The following FHOD3 variants were observed in gnomAD, a reference collection of about 807,000 sequenced individuals.
FHOD3 encodes the protein formin homology 2 domain containing 3, also known as FH1/FH2 domain-containing protein 3.
FHOD3 carries 90 observed loss-of-function variants against 173.0 expected under a neutral mutation model. That is an observed-to-expected ratio of 0.52 (90% confidence interval 0.44 to 0.62). The LOEUF (loss-of-function observed/expected upper bound fraction) is 0.62. FHOD3 is among the 20% of genes least tolerant of loss of function. The probability of loss-of-function intolerance (pLI) is 0.00; values close to 1 mark genes in which losing one functional copy is unlikely to be tolerated. For missense variants in FHOD3, 1,945 were observed against 2,034.7 expected (o/e 0.96, Z 0.85); for synonymous variants, 828 against 823.0 (o/e 1.01, Z -0.10).
At chr18:36,421,370 G>T (rs558404568) in intron 3 of FHOD3, among the ~76,000 whole-genome samples, 5 of 152,248 alleles carry the variant, frequency 3.3e-5, no homozygotes, top group African/African-American at 9.6e-5. Context: ...AGCTTCTTTT[G>T]TAAGACTGTC....
At chr18:36,302,223 C>A (rs2091972299) in intron 1 of FHOD3, among the ~76,000 whole-genome samples, 1 of 152,184 alleles carries the variant, frequency 6.6e-6, no homozygotes, top group Non-Finnish European at 1.5e-5. Flanking sequence ...CTTGAGTGTA[C>A]TGTGTTCATT....
chr18:36,679,042 G>A (rs557223253), intron 14 of FHOD3, among the ~76,000 whole-genome samples: 14 of 151,962 alleles, frequency 9.2e-5, no homozygotes, highest in South Asian at 2.1e-4. Flanking sequence ...TCTGACTTTC[G>A]TGGATTTTTT....
rs569074558 is a variant in FHOD3, at chr18:36,541,918, A to G, written c.511+29375A>G. 3.6e-4 allele frequency among the ~76,000 whole-genome samples: 55 copies of G among 152,284 alleles called. 1 individual carries two copies. The South Asian group carries it at 0.011, about 30-fold the overall frequency. ...TCAGATCTTCAGATAACAATGCTTT[A>G]TGCTTTTAAAGTACTCTTTGCTGGT... is the stretch of plus-strand genomic sequence containing the variant. On this transcript the variant is annotated intron_variant, in intron 5 of 28. Transcript: ENST00000590592.
intron 3 of FHOD3, among the ~76,000 whole-genome samples, chr18:36,401,670 A>G (rs1414309811): frequency 2.0e-5 from 3 of 152,140 alleles, no homozygotes; most frequent in Non-Finnish European, 2.9e-5. Context: ...ACAACATTCT[A>G]TGCTCTCTGG....
In FHOD3 at chr18:36,402,154, G is replaced by A. The variant is rs79531014; in HGVS notation, c.337+29410G>A. On this transcript the variant is annotated intron_variant, in intron 3 of 28. Transcript: ENST00000590592. ...TTGGGGCGGGCAAGGTGCGAGAGAA[G>A]TACTGAGTCGGCTGGGCGTGGTCCT... 7.8e-3 allele frequency among the ~76,000 whole-genome samples: 1,181 copies of A among 152,304 alleles called. 10 individuals carry two copies. The highest frequency in any genetic ancestry group is 0.031 in the Middle Eastern group (9 of 294).
chr18:36,541,412 C>A (rs4349223), intron 5 of FHOD3, among the ~76,000 whole-genome samples: 16,599 of 151,920 alleles, frequency 0.11, 1,340 homozygotes, highest in East Asian at 0.48. Context: ...GACCCTGTCT[C>A]TACAAAAAAT....
intron 19 of FHOD3, among the ~76,000 whole-genome samples, chr18:36,720,381 G>A (rs1450953093): frequency 6.6e-6 from 1 of 151,720 alleles, no homozygotes; most frequent in East Asian, 1.9e-4. Flanking sequence ...GGGATTACAG[G>A]TGCCCACTGC....
chr18:36,321,063 G>A (rs1050812565), intron 1 of FHOD3, among the ~76,000 whole-genome samples: 35 of 131,322 alleles, frequency 2.7e-4, no homozygotes, highest in Admixed American at 6.4e-4. Flanking sequence ...ACCTCTTCTC[G>A]AGATTTCCTG....
intron 5 of FHOD3, among the ~76,000 whole-genome samples, chr18:36,561,967 TATTG>T (rs2058098289): frequency 1.2e-5 from 1 of 83,290 alleles, no homozygotes; most frequent in Non-Finnish European, 2.8e-5. Flanking sequence ...CTGTGTATTG[TATTG>T]TATTGTATTG....
At chr18:36,675,006 T>A (rs539334006) in intron 14 of FHOD3, among the ~76,000 whole-genome samples, 1 of 152,338 alleles carries the variant, frequency 6.6e-6, no homozygotes, top group East Asian at 1.9e-4. Context: ...TTTGTTGTCC[T>A]GTATTTCCTT....
chr18:36,673,009 T>G (rs1451274417), intron 14 of FHOD3, among the ~76,000 whole-genome samples: 2 of 152,218 alleles, frequency 1.3e-5, no homozygotes, highest in Non-Finnish European at 2.9e-5. Context: ...AAAGATTTCC[T>G]GTTTTATGTT....
chr18:36,302,038 T>C (rs1021728492), intron 1 of FHOD3, among the ~76,000 whole-genome samples: 4 of 152,188 alleles, frequency 2.6e-5, no homozygotes, highest in African/African-American at 9.7e-5. Flanking sequence ...CTGTTGCAGC[T>C]CATAGAAGGA....
intron 3 of FHOD3, among the ~76,000 whole-genome samples, chr18:36,379,382 CTTTAA>C (rs757460165): frequency 4.6e-5 from 7 of 152,212 alleles, no homozygotes; most frequent in African/African-American, 9.7e-5. Context: ...CCCCATTTTA[CTTTAA>C]TTAAATTATT....
At chr18:36,622,665 G>A (rs527250497) in intron 9 of FHOD3, among the ~76,000 whole-genome samples, 2 of 152,284 alleles carry the variant, frequency 1.3e-5, no homozygotes, top group South Asian at 2.1e-4. Context: ...GTGCTCCCAC[G>A]GAGGATACTC....
In FHOD3 at chr18:36,447,530, G is replaced by T. The variant is rs2051565625; in HGVS notation, c.338-54402G>T. On this transcript the variant is annotated intron_variant, in intron 3 of 28. Coordinates refer to ENST00000590592, the MANE Select transcript of FHOD3 (RefSeq NM_001281740.3). ...TTCCCCCAATAGGGTGGCAAGGCTG[G>T]TGTTGACTGTACCGAAGAACTTTGT... Among the ~76,000 whole-genome samples, 4 of 152,178 alleles carry T rather than the reference G, an allele frequency of 2.6e-5. No individual in the cohort carries two copies. In the South Asian group the frequency reaches 8.3e-4, roughly 32 times the overall value.
intron 18 of FHOD3, among the ~76,000 whole-genome samples, chr18:36,716,954 A>G (rs201706251): frequency 6.8e-3 from 705 of 103,734 alleles, no homozygotes; most frequent in East Asian, 0.026. Flanking sequence ...GTGTGTGTGT[A>G]TGTGTTAATG....
At chr18:36,694,306 C>T (rs926214051) in intron 17 of FHOD3, among the ~76,000 whole-genome samples, 8 of 152,154 alleles carry the variant, frequency 5.3e-5, no homozygotes, top group African/African-American at 1.9e-4. Flanking sequence ...TAAACAAGGC[C>T]GGACTCCATG....
chr18:36,622,001 T>G (rs777029643), intron 9 of FHOD3, among the ~76,000 whole-genome samples: 6 of 152,222 alleles, frequency 3.9e-5, no homozygotes, highest in Non-Finnish European at 8.8e-5. Context: ...TGGAATATTT[T>G]CAGTCTTAAG....
rs1017977934 is a variant in FHOD3, at chr18:36,396,096, G to A, written c.337+23352G>A. Among the ~76,000 whole-genome samples the A allele has an allele frequency of 3.9e-5, 6 of 151,928 alleles. No individual in the cohort carries two copies. The South Asian group carries it at 8.3e-4, about 21-fold the overall frequency. On this transcript the variant is annotated intron_variant, in intron 3 of 28. Transcript: ENST00000590592. ...TATGTCCTTGTTACTGCATTTTTTC[G>A]TATATAAAGTATTGCTTTTGAAAAG...
Sources: allele counts gnomAD v4.1 joint callset (sites outside exome capture counted in the v4.1 genomes callset), GRCh38; gene constraint gnomAD v4.1.1; transcripts MANE v1.5; gene names NCBI Gene and HGNC (gene_info 2026-07-23, HGNC 2026-07-21).